Variants in CDH12 observed in about 807,000 individuals in gnomAD.
The protein encoded by CDH12 is cadherin 12.
Under a neutral mutation model 74.1 loss-of-function variants are expected in CDH12, and 41 were observed. The ratio of observed to expected loss-of-function variants is 0.55; its 90% CI spans 0.43 to 0.72. The LOEUF (loss-of-function observed/expected upper bound fraction) is 0.72, where lower values mean the gene tolerates loss of function less well. CDH12 is among the 30% of genes least tolerant of loss of function. The pLI, the probability that CDH12 is intolerant of heterozygous loss-of-function variation, is 0.00. For missense variants in CDH12, 945 were observed against 977.2 expected, an observed-to-expected ratio of 0.97 and a Z score of 0.44; for synonymous variants, 399 against 355.0, an observed-to-expected ratio of 1.12 and a Z score of -1.39.
intron 1 of CDH12, among the ~76,000 whole-genome samples, chr5:22,730,603 C>T (rs1335650261): frequency 1.3e-5 from 2 of 151,732 alleles, no homozygotes; most frequent in Non-Finnish European, 2.9e-5. Flanking sequence ...TTATGAAGAA[C>T]TCAGAAAACA....
At chr5:22,092,981 TGG>T (rs1743524423) in intron 4 of CDH12, among the ~76,000 whole-genome samples, 1 of 152,188 alleles carries the variant, frequency 6.6e-6, no homozygotes, top group Admixed American at 6.5e-5. Context: ...CAAGCTTTAG[TGG>T]GTGGTGTTTG....
intron 1 of CDH12, among the ~76,000 whole-genome samples, chr5:22,653,748 C>T (rs1481876024): frequency 1.3e-5 from 2 of 152,168 alleles, no homozygotes; most frequent in Non-Finnish European, 2.9e-5. Flanking sequence ...CCATAACATC[C>T]TCTGGATAAA....
At chr5:21,845,414 G>A (rs1182517434) in intron 7 of CDH12, among the ~76,000 whole-genome samples, 1 of 152,080 alleles carries the variant, frequency 6.6e-6, no homozygotes, top group Non-Finnish European at 1.5e-5. Flanking sequence ...ACACATTTGA[G>A]TGCTTAGGCT....
At chr5:22,046,701 G>A (rs1247525203) in intron 5 of CDH12, among the ~76,000 whole-genome samples, 1 of 152,046 alleles carries the variant, frequency 6.6e-6, no homozygotes, top group Non-Finnish European at 1.5e-5. Context: ...GCCATAAAGT[G>A]GGACATTTTT....
rs570562451 is a variant in CDH12, at chr5:21,980,186, T to G, written c.232-4801A>C. Reference sequence around the variant, plus strand: ...CATACATACATATATGTATGGCATATATATATATATATGCTATAGAAATGC... The same window carrying G: ...CATACATACATATATGTATGGCATAGATATATATATATGCTATAGAAATGC... On this transcript the variant is annotated intron_variant, in intron 5 of 14. Coordinates refer to ENST00000382254, the MANE Select transcript of CDH12 (RefSeq NM_004061.5). Among the ~76,000 whole-genome samples the G allele has an allele frequency of 7.9e-5, 12 of 151,576 alleles. No individual in the cohort carries two copies. The South Asian group carries it at 1.7e-3, about 21-fold the overall frequency.
intron 1 of CDH12, among the ~76,000 whole-genome samples, chr5:22,519,883 G>T (rs1580728152): frequency 1.3e-5 from 2 of 152,122 alleles, no homozygotes; most frequent in East Asian, 1.9e-4. Context: ...AATAATGTTT[G>T]TAAATTACAG....
intron 1 of CDH12, among the ~76,000 whole-genome samples, chr5:22,717,574 G>A (rs1475675441): frequency 6.6e-6 from 1 of 152,142 alleles, no homozygotes; most frequent in Non-Finnish European, 1.5e-5. Context: ...ATACACAAAT[G>A]TGACCCAAAA....
intron 1 of CDH12, among the ~76,000 whole-genome samples, chr5:22,743,302 A>G (rs1745129850): frequency 6.7e-6 from 1 of 148,152 alleles, no homozygotes; most frequent in African/African-American, 2.5e-5. Flanking sequence ...GTATATGTAT[A>G]TATATGTATA....
At chr5:22,721,331 G>A (rs61633579) in intron 1 of CDH12, among the ~76,000 whole-genome samples, 9,726 of 152,306 alleles carry the variant, frequency 0.064, 422 homozygotes, top group African/African-American at 0.1. Flanking sequence ...AGATTATTTT[G>A]GAGCTTTAAG....
chr5:22,532,142 T>A (rs1737611592), intron 1 of CDH12, among the ~76,000 whole-genome samples: 3 of 151,332 alleles, frequency 2.0e-5, no homozygotes, highest in Admixed American at 2.0e-4. Flanking sequence ...GCATGATGTG[T>A]ACTCAAACAC....
At chr5:22,711,483 AGGT>A (rs1306101899) in intron 1 of CDH12, among the ~76,000 whole-genome samples, 1 of 152,110 alleles carries the variant, frequency 6.6e-6, no homozygotes, top group Non-Finnish European at 1.5e-5. Flanking sequence ...TAAGAAACAA[AGGT>A]CATCATTGGA....
At chr5:21,763,249 T>C (rs1265101593) in intron 12 of CDH12, among the ~76,000 whole-genome samples, 1 of 152,152 alleles carries the variant, frequency 6.6e-6, no homozygotes, top group Non-Finnish European at 1.5e-5. Context: ...GTTATGAAAA[T>C]ACTCTATGTC....
intron 4 of CDH12, among the ~76,000 whole-genome samples, chr5:22,186,238 A>T (rs1414922355): frequency 6.6e-6 from 1 of 152,206 alleles, no homozygotes; most frequent in African/African-American, 2.4e-5. Flanking sequence ...AGAATTTTTT[A>T]AAAAGTCAAT....
chr5:22,443,764 A>T (rs979479972), intron 2 of CDH12, among the ~76,000 whole-genome samples: 7 of 152,154 alleles, frequency 4.6e-5, no homozygotes, highest in Admixed American at 3.9e-4. Flanking sequence ...GTATAAAATG[A>T]CTATATTCCA....
At chr5:22,026,410 C>A (rs540569093) in intron 5 of CDH12, among the ~76,000 whole-genome samples, 1 of 152,096 alleles carries the variant, frequency 6.6e-6, no homozygotes, top group Non-Finnish European at 1.5e-5. Context: ...CAACTGCTAA[C>A]CCTTGGTTTC....
intron 1 of CDH12, among the ~76,000 whole-genome samples, chr5:22,732,307 A>G (rs1401537956): frequency 2.0e-5 from 3 of 151,688 alleles, no homozygotes; most frequent in Non-Finnish European, 2.9e-5. Flanking sequence ...TTTATGGTCC[A>G]CTCTAATGAC....
chr5:21,932,973 T>C (rs1754910995), intron 6 of CDH12, among the ~76,000 whole-genome samples: 1 of 150,856 alleles, frequency 6.6e-6, no homozygotes. Flanking sequence ...TCATTGTATC[T>C]AGTATCTCAG....
In CDH12 at chr5:22,488,101, G is replaced by A. The variant is rs188528363; in HGVS notation, c.-428+17169C>T. On this transcript the variant is annotated intron_variant, in intron 2 of 14. Coordinates refer to ENST00000382254, the MANE Select transcript of CDH12 (RefSeq NM_004061.5). The stretch of plus-strand genomic sequence containing the variant: ...GGAAAGTACTTTGTAACAAAGAAAC[G>A]TACAATTGTAGTGTTCCAGTTTAAC... Among the ~76,000 whole-genome samples the A allele has an allele frequency of 7.9e-4, 120 of 152,210 alleles. 1 individual carries two copies. Among genetic ancestry groups the A allele is most frequent in the African/African-American group, 2.7e-3 (114 of 41,548 alleles).
Position 22,135,019 on chromosome 5 carries a change from A to G in CDH12, c.-186-56157T>C, listed in dbSNP as rs182075003. Among the ~76,000 whole-genome samples the G allele has an allele frequency of 2.0e-3, 307 of 152,128 alleles. 1 individual carries two copies. The highest frequency in any genetic ancestry group is 7.0e-3 in the African/African-American group (290 of 41,526). On this transcript the variant is annotated intron_variant, in intron 4 of 14. Transcript: ENST00000382254. The stretch of plus-strand genomic sequence containing the variant: ...AAATCTGTCATAAATTGCTCAATTG[A>G]GGAAATCAAATGGCAAAGAGAGTGA...
Sources: allele counts gnomAD v4.1 joint callset (sites outside exome capture counted in the v4.1 genomes callset), GRCh38; gene constraint gnomAD v4.1.1; transcripts MANE v1.5; gene names NCBI Gene and HGNC (gene_info 2026-07-23, HGNC 2026-07-21).